The following TMEM120B variants were observed in gnomAD, a reference collection of about 807,000 sequenced individuals.
TMEM120B encodes the protein transmembrane protein 120B.
In TMEM120B, 31 loss-of-function variants were observed where a neutral mutation model predicts 55.5. The ratio of observed to expected loss-of-function variants is 0.56; its 90% CI spans 0.42 to 0.75. The LOEUF is 0.75. Ranked by LOEUF, TMEM120B falls within the 30% of genes least tolerant of loss-of-function variation. The pLI, the probability that TMEM120B is intolerant of heterozygous loss-of-function variation, is 0.00. For missense variants in TMEM120B, 399 were observed against 425.5 expected (o/e 0.94, Z 0.55); for synonymous variants, 203 against 176.3 (o/e 1.15, Z -1.20).
At chr12:121,767,215 C>T (rs1488914856) in intron 6 of TMEM120B, among the ~76,000 whole-genome samples, 1 of 152,204 alleles carries the variant, frequency 6.6e-6, no homozygotes. Context: ...GGCTGGAGTG[C>T]AGTGGTGCGA....
chr12:121,713,026 T>G (rs1894628768), intron 1 of TMEM120B, 62 bp downstream of exon 1: 1 of 1,383,230 alleles, frequency 7.2e-7, no homozygotes, highest in Admixed American at 3.0e-5. Flanking sequence ...TTGCCCTTCC[T>G]GAGCCCCCCG....
At chr12:121,766,799 A>G (rs541170623) in intron 6 of TMEM120B, among the ~76,000 whole-genome samples, 2 of 152,168 alleles carry the variant, frequency 1.3e-5, no homozygotes, top group South Asian at 4.1e-4. Flanking sequence ...GCCGATGTCT[A>G]TTACAGTTAG....
intron 1 of TMEM120B, among the ~76,000 whole-genome samples, chr12:121,735,185 C>CAAA (rs377589219): frequency 1.6e-4 from 11 of 66,834 alleles, no homozygotes; most frequent in African/African-American, 4.4e-4. Flanking sequence ...GACTCTGTCT[C>CAAA]AAAAAAAAAA....
intron 1 of TMEM120B, among the ~76,000 whole-genome samples, chr12:121,723,818 T>C (rs1442433320): frequency 6.6e-6 from 1 of 152,082 alleles, no homozygotes; most frequent in East Asian, 1.9e-4. Context: ...TCTTTTGTTT[T>C]TCTTTTGAGA....
rs530248128 is a variant in TMEM120B, at chr12:121,766,221, C to T, written c.551+4483C>T. Among the ~76,000 whole-genome samples, 5 of 152,214 alleles carry T rather than the reference C, an allele frequency of 3.3e-5. No individual in the cohort carries two copies. In the East Asian group the frequency reaches 9.6e-4, roughly 29 times the overall value. Reference sequence around the variant, plus strand: ...GAGCAGGTAGGGGTGGGGACTTCCTCATCGAGATATGAAGCCACCCTCGGT... The same window carrying T: ...GAGCAGGTAGGGGTGGGGACTTCCTTATCGAGATATGAAGCCACCCTCGGT... On this transcript the variant is annotated intron_variant, in intron 6 of 11. Coordinates refer to ENST00000449592, the MANE Select transcript of TMEM120B (RefSeq NM_001080825.2).
chr12:121,771,061 T>G, intron 7 of TMEM120B, 89 bp downstream of exon 7: 1 of 1,420,458 alleles, frequency 7.0e-7, no homozygotes, highest in South Asian at 1.2e-5. Flanking sequence ...CAGACAGCGG[T>G]GGGGGGTGTG....
chr12:121,771,585 A>G, intron 8 of TMEM120B, 36 bp downstream of exon 8: 8 of 1,600,450 alleles, frequency 5.0e-6, no homozygotes, highest in South Asian at 1.1e-5. Context: ...GGGAAGGGAC[A>G]TGGTTTTCTG....
At chr12:121,750,601 C>CACACCA (rs71079093) in intron 4 of TMEM120B, among the ~76,000 whole-genome samples, 162 bp downstream of exon 4, 17 of 112,058 alleles carry the variant, frequency 1.5e-4, no homozygotes, top group Admixed American at 5.8e-4. Context: ...ACACCCCACC[C>CACACCA]ACACCAACAC....
intron 6 of TMEM120B, among the ~76,000 whole-genome samples, chr12:121,767,772 C>T (rs960433655): frequency 2.6e-5 from 4 of 152,184 alleles, no homozygotes; most frequent in Non-Finnish European, 4.4e-5. Context: ...TAGCCTCACC[C>T]GATGTCACTG....
At chr12:121,770,650 G>C (rs1283029047) in intron 6 of TMEM120B, among the ~76,000 whole-genome samples, 1 of 152,094 alleles carries the variant, frequency 6.6e-6, no homozygotes, top group African/African-American at 2.4e-5. Flanking sequence ...GTGAGGCTAG[G>C]GGTGTGCTCT....
At position 121,779,588 on chromosome 12, in the gene TMEM120B, C is replaced by G. The variant is rs1474270905; in HGVS notation, c.*3866C>G. 1.2e-6 allele frequency: 2 copies of G among 1,614,218 alleles called. No homozygotes were observed. The highest frequency in any genetic ancestry group is 3.3e-5 in the Admixed American group (2 of 60,032). On this transcript the variant is annotated 3_prime_UTR_variant, in exon 12 of 12. Transcript: ENST00000449592. ...CCTTGGCGGCCTCCCGGAAGACGTC[C>G]TCCACATTCTCCCGAAACTTGGCGG...
Position 121,781,439 on chromosome 12 carries a change from C to T in TMEM120B, c.*5717C>T. ...TGAGCCGTGATCATGCCACTGCACT[C>T]CAGCCTGGGTGACAGAGCGAGACCC... On this transcript the variant is annotated 3_prime_UTR_variant, in exon 12 of 12. Transcript: ENST00000449592. The T allele has an allele frequency of 4.3e-6, 2 of 462,094 alleles. No homozygotes were observed. Among genetic ancestry groups the T allele is most frequent in the South Asian group, 4.5e-5 (2 of 44,858 alleles). The allele number at this position is 462,094 out of a possible 1,614,324, so 28.6% of individuals were successfully genotyped here. A position where few individuals can be genotyped will look rare whatever the true frequency, so the allele number is the denominator to read the frequency against.
chr12:121,729,394 C>T (rs1894954336), intron 1 of TMEM120B, among the ~76,000 whole-genome samples: 1 of 152,170 alleles, frequency 6.6e-6, no homozygotes, highest in Non-Finnish European at 1.5e-5. Flanking sequence ...GGCAGAAATG[C>T]CCCATGCACA....
chr12:121,779,239 TGA>T lies in TMEM120B; in HGVS notation c.*3519_*3520del. 1.9e-6 allele frequency: 1 copy of T among 526,022 alleles called. No homozygotes were observed. Among genetic ancestry groups the T allele is most frequent in the South Asian group, 2.4e-5 (1 of 42,312 alleles). 32.6% of individuals were successfully genotyped at this position (526,022 alleles called of 1,614,324 possible). On this transcript the variant is annotated 3_prime_UTR_variant, in exon 12 of 12. Transcript: ENST00000449592. ...ACACTCGTGGTGGGGGTGGCTGTGA[TGA>T]GGGCACTTGCGAGTCCCGACAACAG...
chr12:121,736,060 C>T (rs953169689), intron 1 of TMEM120B, among the ~76,000 whole-genome samples: 5 of 152,116 alleles, frequency 3.3e-5, no homozygotes, highest in African/African-American at 1.2e-4. Context: ...TACATAGTAA[C>T]ACCAAACTTG....
In TMEM120B at chr12:121,778,923, T is replaced by C. The variant is rs1418466290; in HGVS notation, c.*3201T>C. 1 of 154,076 alleles carries C rather than the reference T, an allele frequency of 6.5e-6. No homozygotes were observed. Among genetic ancestry groups the C allele is most frequent in the Non-Finnish European group, 1.4e-5 (1 of 69,284 alleles). The allele number at this position is 154,076 out of a possible 1,614,324, so 9.5% of individuals were successfully genotyped here. On this transcript the variant is annotated 3_prime_UTR_variant, in exon 12 of 12. Transcript: ENST00000449592. ...CATGTGCCCAGCTCTGCAAAGACAG[T>C]GGCCAAGTTGAAGACAAGTCTTCCA...
chr12:121,771,957 G>A (rs1443946245), intron 8 of TMEM120B, among the ~76,000 whole-genome samples: 3 of 152,172 alleles, frequency 2.0e-5, no homozygotes, highest in African/African-American at 4.8e-5. Context: ...GACAGGGAGA[G>A]CGTCTTACTT....
intron 6 of TMEM120B, 29 bp from the exon 7 acceptor site, chr12:121,770,876 TGA>T: frequency 6.2e-7 from 1 of 1,611,176 alleles, no homozygotes; most frequent in Non-Finnish European, 8.5e-7. Context: ...TCTCCCCTCC[TGA>T]GCACTTTCCG....
chr12:121,766,225 G>A (rs1036060791), intron 6 of TMEM120B, among the ~76,000 whole-genome samples: 18 of 152,114 alleles, frequency 1.2e-4, no homozygotes, highest in African/African-American at 3.6e-4. Context: ...CTTCCTCATC[G>A]AGATATGAAG....
Sources: gnomAD v4.1 joint callset for allele counts (sites outside exome capture counted in the v4.1 genomes callset) on GRCh38, gnomAD v4.1.1 for gene constraint, MANE v1.5 for transcripts, NCBI Gene and HGNC (gene_info 2026-07-23, HGNC 2026-07-21) for gene names.